Variants in TSPAN18 observed in about 807,000 individuals in gnomAD.
TSPAN18 encodes tetraspanin-18.
TSPAN18 carries 14 observed loss-of-function variants against 27.3 expected under a neutral mutation model. That is an observed-to-expected ratio of 0.51 (90% confidence interval 0.34 to 0.80). The LOEUF (loss-of-function observed/expected upper bound fraction) is 0.80. Among genes scored for constraint, TSPAN18 ranks in the 30% least tolerant of loss-of-function variants. The pLI, the probability that TSPAN18 is intolerant of heterozygous loss-of-function variation, is 0.01. For synonymous variants in TSPAN18, 143 were observed against 136.5 expected (o/e 1.05, Z -0.33); for missense variants, 268 against 323.9 (o/e 0.83, Z 1.32).
At chr11:44,921,394 C>T (rs1860129676) in intron 8 of TSPAN18, among the ~76,000 whole-genome samples, 2 of 152,150 alleles carry the variant, frequency 1.3e-5, no homozygotes, top group Admixed American at 1.3e-4. Context: ...TCCATTCACC[C>T]CTACTCTCTT....
At position 44,770,110 on chromosome 11, in the gene TSPAN18, CTGCTCTACA is replaced by C. The variant is rs1455694050; in HGVS notation, c.-153+5603_-153+5611del. On this transcript the variant is annotated intron_variant, in intron 2 of 9. Transcript: ENST00000520358. The stretch of plus-strand genomic sequence containing the variant: ...TTGGGCCCCTACCATGTACCTGGCA[CTGCTCTACA>C]TGCTGGGAATATCGTTTTGAATGAA... 2.0e-5 allele frequency among the ~76,000 whole-genome samples: 3 copies of C among 152,334 alleles called. No homozygotes were observed. In the East Asian group the frequency reaches 5.8e-4, roughly 29 times the overall value.
chr11:44,890,781 A>G (rs1368635357), intron 3 of TSPAN18, among the ~76,000 whole-genome samples: 1 of 152,074 alleles, frequency 6.6e-6, no homozygotes, highest in African/African-American at 2.4e-5. Context: ...GGAATTTCTT[A>G]AAATGATGAT....
intron 1 of TSPAN18, among the ~76,000 whole-genome samples, chr11:44,747,075 C>A (rs969689807): frequency 3.3e-5 from 5 of 152,256 alleles, no homozygotes; most frequent in Non-Finnish European, 5.9e-5. Context: ...CTGGTCAGGG[C>A]TAGAGGCCCA....
chr11:44,846,804 A>T (rs1324305641), intron 2 of TSPAN18, among the ~76,000 whole-genome samples: 1 of 152,166 alleles, frequency 6.6e-6, no homozygotes, highest in Non-Finnish European at 1.5e-5. Flanking sequence ...CTTTGCAGCC[A>T]TTTGAGGAAT....
At chr11:44,812,585 A>G (rs1856741264) in intron 2 of TSPAN18, among the ~76,000 whole-genome samples, 4 of 152,104 alleles carry the variant, frequency 2.6e-5, no homozygotes, top group Admixed American at 2.6e-4. Flanking sequence ...GCCCATCTTC[A>G]CAGACTCCCT....
intron 8 of TSPAN18, among the ~76,000 whole-genome samples, chr11:44,921,671 C>T (rs75136542): frequency 0.015 from 2,349 of 152,300 alleles, 65 homozygotes; most frequent in African/African-American, 0.053. Flanking sequence ...CCATGGCATA[C>T]AGCGGCCACC....
intron 2 of TSPAN18, among the ~76,000 whole-genome samples, chr11:44,829,090 G>A (rs10838365): frequency 0.2 from 30,624 of 152,146 alleles, 4,264 homozygotes; most frequent in East Asian, 0.71. Flanking sequence ...AAAGTTCCCA[G>A]AGAGACTCCC....
intron 6 of TSPAN18, 58 bp downstream of exon 6, chr11:44,918,104 A>G: frequency 6.4e-7 from 1 of 1,569,530 alleles, no homozygotes; most frequent in East Asian, 2.2e-5. Flanking sequence ...GTTGGTGGCC[A>G]TTCAGGTCTG....
intron 3 of TSPAN18, among the ~76,000 whole-genome samples, chr11:44,865,531 C>G (rs1361222833): frequency 6.6e-6 from 1 of 152,072 alleles, no homozygotes; most frequent in Non-Finnish European, 1.5e-5. Context: ...ATTACACAAG[C>G]AATATAGGCT....
intron 1 of TSPAN18, among the ~76,000 whole-genome samples, chr11:44,741,083 G>A (rs781579518): frequency 6.6e-6 from 1 of 152,160 alleles, no homozygotes; most frequent in Non-Finnish European, 1.5e-5. Flanking sequence ...TCTTGAACGG[G>A]GAACATGACC....
At chr11:44,800,098 C>A (rs1420592548) in intron 2 of TSPAN18, among the ~76,000 whole-genome samples, 1 of 148,290 alleles carries the variant, frequency 6.7e-6, no homozygotes, top group Non-Finnish European at 1.5e-5. Flanking sequence ...CTCAGGTAAT[C>A]CACCTGCCTC....
rs1554938044 is a variant in TSPAN18 at position 44,908,769 on chromosome 11, G to GAGAAATAA, written c.64-931_64-930insTAAAGAAA. ...AAGAGAGAGAGAGAGAGAGAGAAAG[G>GAGAAATAA]AGAAAGAAAGAAAGAAAGAAAGAAA... is the stretch of plus-strand genomic sequence containing the variant. On this transcript the variant is annotated intron_variant, in intron 4 of 9. Coordinates refer to ENST00000520358, the MANE Select transcript of TSPAN18 (RefSeq NM_130783.5). Among the ~76,000 whole-genome samples, 3 of 71,620 alleles carry GAGAAATAA rather than the reference G, an allele frequency of 4.2e-5. 1 individual carries two copies. Among genetic ancestry groups the GAGAAATAA allele is most frequent in the African/African-American group, 2.0e-4 (3 of 14,980 alleles). The allele number at this position is 71,620 out of a possible 152,430, so 47.0% of individuals were successfully genotyped here. A position where few individuals can be genotyped will look rare whatever the true frequency, so the allele number is the denominator to read the frequency against.
chr11:44,867,416 T>TC (rs1554994613), intron 3 of TSPAN18, among the ~76,000 whole-genome samples: 5 of 116,150 alleles, frequency 4.3e-5, no homozygotes, highest in Admixed American at 1.9e-4. Context: ...TTTTTTTTTT[T>TC]CAGACAGAGT....
chr11:44,863,963 T>A (rs936634595), intron 3 of TSPAN18, among the ~76,000 whole-genome samples: 2 of 152,130 alleles, frequency 1.3e-5, no homozygotes, highest in Admixed American at 1.3e-4. Context: ...GTCTTCAGTG[T>A]ATAGGTGCCT....
At chr11:44,869,853 G>A (rs1858144135) in intron 3 of TSPAN18, among the ~76,000 whole-genome samples, 2 of 152,142 alleles carry the variant, frequency 1.3e-5, no homozygotes, top group Admixed American at 1.3e-4. Flanking sequence ...TAATGAGGTT[G>A]GGGTGGGTGG....
chr11:44,758,248 G>A (rs1393058518), intron 1 of TSPAN18, among the ~76,000 whole-genome samples: 1 of 152,116 alleles, frequency 6.6e-6, no homozygotes, highest in African/African-American at 2.4e-5. Flanking sequence ...TTAGTTGAAT[G>A]TTTTCATTAT....
intron 2 of TSPAN18, among the ~76,000 whole-genome samples, chr11:44,806,041 C>CT (rs34132755): frequency 0.46 from 62,186 of 134,340 alleles, 14,695 homozygotes; most frequent in Non-Finnish European, 0.51. Context: ...CTATTTTTTC[C>CT]TTTTTTTTTT....
chr11:44,774,740 G>C (rs141638953), intron 2 of TSPAN18, among the ~76,000 whole-genome samples: 1 of 152,158 alleles, frequency 6.6e-6, no homozygotes, highest in Non-Finnish European at 1.5e-5. Flanking sequence ...TGAGTTCGAA[G>C]GACTCACCAC....
intron 2 of TSPAN18, among the ~76,000 whole-genome samples, chr11:44,845,940 C>T (rs566084222): frequency 6.6e-6 from 1 of 152,360 alleles, no homozygotes; most frequent in South Asian, 2.1e-4. Context: ...AGCAAAGCAT[C>T]AGCTTGGGGA....
Sources: allele counts gnomAD v4.1 joint callset (sites outside exome capture counted in the v4.1 genomes callset), GRCh38; gene constraint gnomAD v4.1.1; transcripts MANE v1.5; gene names NCBI Gene and HGNC (gene_info 2026-07-23, HGNC 2026-07-21).